Variants in NCAPG2 observed in about 807,000 individuals in gnomAD.
NCAPG2 encodes non-SMC condensin II complex subunit G2, also known as condensin-2 complex subunit G2.
NCAPG2 carries 53 observed loss-of-function variants against 141.1 expected under a neutral mutation model. That is an observed-to-expected ratio of 0.38 (90% confidence interval 0.30 to 0.47). NCAPG2 has a LOEUF of 0.47. NCAPG2 is among the 20% of genes least tolerant of loss of function. The pLI, the probability that NCAPG2 is intolerant of heterozygous loss-of-function variation, is 0.99. For synonymous variants in NCAPG2, 499 were observed against 490.7 expected (o/e 1.02, Z -0.22); for missense variants, 1,087 against 1,389.0 (o/e 0.78, Z 3.46).
rs1831305333 is a variant in NCAPG2 at position 158,649,334 on chromosome 7, G to A, written c.3075+1498C>T. The stretch of plus-strand genomic sequence containing the variant: ...ACTTTTTCTGTAAAGTAACAAAATA[G>A]TAAATATTTAAATAGTATAGTAAAT... On this transcript the variant is annotated intron_variant, in intron 24 of 27. Transcript: ENST00000356309. Among the ~76,000 whole-genome samples, 3 of 152,170 alleles carry A rather than the reference G, an allele frequency of 2.0e-5. 1 individual carries two copies. The South Asian group carries it at 6.2e-4, about 31-fold the overall frequency.
At position 158,701,905 on chromosome 7, in the gene NCAPG2, A is replaced by G. The variant is rs764794492; in HGVS notation, c.-6T>C. ...AACGTCTCACGTTTTTCCATGACAG[A>G]TGGCACTGTTCAAATGGCATTTATT... is the stretch of plus-strand genomic sequence containing the variant. On this transcript the variant is annotated 5_prime_UTR_variant, in exon 2 of 28. Transcript: ENST00000356309. 3.1e-6 allele frequency: 5 copies of G among 1,610,780 alleles called. No homozygotes were observed. In the South Asian group the frequency reaches 5.6e-5, roughly 18 times the overall value.
chr7:158,693,411 C>T lies in NCAPG2; in HGVS notation c.165G>A (p.Lys55=). ...CTAACAACACATCTGTCAATAAATT[C>T]TTCAGCCTTTGCCATAATTCTTCTT... ...KQKEELWQRL[K]NLLTDVLLES... Residue 55 remains lysine, a synonymous_variant, in exon 3 of 28, where the codon AAG becomes AAA. Transcript: ENST00000356309. 2 of 1,614,100 alleles carry T rather than the reference C, an allele frequency of 1.2e-6. No homozygotes were observed. Among genetic ancestry groups the T allele is most frequent in the Non-Finnish European group, 1.7e-6 (2 of 1,179,948 alleles).
chr7:158,676,774 G>GA (rs1417080250), intron 11 of NCAPG2, among the ~76,000 whole-genome samples: 1 of 151,684 alleles, frequency 6.6e-6, no homozygotes, highest in Admixed American at 6.6e-5. Flanking sequence ...ACTTTAATTA[G>GA]AAAAAAAGAT....
At chr7:158,671,473 C>T in intron 13 of NCAPG2, 41 bp downstream of exon 13, 1 of 1,608,804 alleles carries the variant, frequency 6.2e-7, no homozygotes, top group Non-Finnish European at 8.5e-7. Context: ...AACACATGTC[C>T]CTATTTCATG....
At chr7:158,696,785 G>C (rs577499908) in intron 2 of NCAPG2, 1 of 152,190 alleles carries the variant, frequency 6.6e-6, no homozygotes, top group Non-Finnish European at 1.5e-5. Context: ...TCAGGGGCTC[G>C]GCCTTTCCCA....
intron 6 of NCAPG2, among the ~76,000 whole-genome samples, chr7:158,689,399 G>A (rs528751069): frequency 2.8e-4 from 42 of 152,250 alleles, no homozygotes; most frequent in African/African-American, 9.4e-4. Context: ...GGGCAGTGCA[G>A]CAACAGGCCA....
Position 158,633,150 on chromosome 7 carries a change from A to G in NCAPG2, c.3381-1433T>C, listed in dbSNP as rs75918468. ...TTTAAGCTCTGGGGAATTTTTTCCT[A>G]TCGTTGTTGAATCACTGCTTCTCCT... is the stretch of plus-strand genomic sequence containing the variant. On this transcript the variant is annotated intron_variant, in intron 27 of 27. Coordinates refer to ENST00000356309, the MANE Select transcript of NCAPG2 (RefSeq NM_017760.7). The surrounding 1 kb of genome is among the most constrained non-coding windows in gnomAD (Gnocchi z 4.1). 6.6e-5 allele frequency among the ~76,000 whole-genome samples: 10 copies of G among 152,126 alleles called. No homozygotes were observed. The highest frequency in any genetic ancestry group is 1.2e-4 in the Non-Finnish European group (8 of 67,988).
chr7:158,637,102 CAT>C (rs1587043889), intron 27 of NCAPG2, among the ~76,000 whole-genome samples: 4 of 152,066 alleles, frequency 2.6e-5, no homozygotes, highest in Admixed American at 2.0e-4. Context: ...CGCCCGCCAC[CAT>C]GCCCGGCTAA....
intron 13 of NCAPG2, chr7:158,667,072 TATAC>T: frequency 2.0e-5 from 19 of 944,418 alleles, no homozygotes; most frequent in Non-Finnish European, 2.3e-5. Context: ...GACTGCCTCT[TATAC>T]TCATGTCATT....
rs1833775265 is a variant in NCAPG2 at position 158,672,318 on chromosome 7, ATATATATATATTTTTTTTTTTTTT to A, written c.1327-676_1327-653del. ...TATATATATATATATATATATATAT[ATATATATATATTTTTTTTTTTTTT>A]TTTTTTTTTTTTTTTTTTGAGACGG... On this transcript the variant is annotated intron_variant, in intron 12 of 27. Coordinates refer to ENST00000356309, the MANE Select transcript of NCAPG2 (RefSeq NM_017760.7). Among the ~76,000 whole-genome samples the A allele has an allele frequency of 6.6e-4, 23 of 34,860 alleles. No homozygotes were observed. In the East Asian group the frequency reaches 0.011, roughly 16 times the overall value. 22.9% of individuals were successfully genotyped at this position (34,860 alleles called of 152,430 possible).
chr7:158,655,408 G>A lies in NCAPG2; in HGVS notation c.2436C>T (p.Gly812=), dbSNP rs577811695. 1.2e-6 allele frequency: 2 copies of A among 1,614,150 alleles called. No individual in the cohort carries two copies. Among genetic ancestry groups the A allele is most frequent in the East Asian group, 2.2e-5 (1 of 44,878 alleles). The stretch of plus-strand genomic sequence containing the variant: ...CTCGCGGGGCAGCTGCTTCACTGAA[G>A]CCACGAGGCTTCCCACCCGGTGTCT... ...LLQTPGGKPR[G]FSEAAAPRAF... Residue 812 remains glycine (G), a synonymous_variant, in exon 20 of 28, where the codon GGC becomes GGT. Transcript: ENST00000356309.
chr7:158,640,226 G>T (rs938452595), intron 27 of NCAPG2: 2 of 152,208 alleles, frequency 1.3e-5, no homozygotes, highest in African/African-American at 4.8e-5. Context: ...CACGAGCCAA[G>T]AAGAGAGTAT....
intron 11 of NCAPG2, among the ~76,000 whole-genome samples, chr7:158,677,535 A>AC (rs1834160588): frequency 8.6e-6 from 1 of 116,064 alleles, no homozygotes; most frequent in African/African-American, 2.6e-5. Context: ...CAAAAAAAAA[A>AC]AAAAAAAAAA....
intron 2 of NCAPG2, among the ~76,000 whole-genome samples, chr7:158,695,580 G>A (rs1346263452): frequency 1.3e-5 from 2 of 152,242 alleles, no homozygotes; most frequent in Non-Finnish European, 2.9e-5. Flanking sequence ...ATGAGTGGCT[G>A]TTGCCTAGGG....
chr7:158,702,409 G>A (rs1483161757), intron 1 of NCAPG2: 1 of 154,700 alleles, frequency 6.5e-6, no homozygotes, highest in African/African-American at 2.4e-5. Context: ...ATGGAAAACA[G>A]TGGCCCCGGG....
chr7:158,633,939 A>G lies in NCAPG2; in HGVS notation c.3381-2222T>C, dbSNP rs562433461. Among the ~76,000 whole-genome samples, 8 of 152,080 alleles carry G rather than the reference A, an allele frequency of 5.3e-5. No individual in the cohort carries two copies. In the East Asian group the frequency reaches 1.5e-3, roughly 29 times the overall value. Reference sequence around the variant, plus strand: ...AGATTTTTTTGTATTTTTTGTAGAGATGGGGTTTCACCATGTTACCCAGTC... The same window carrying G: ...AGATTTTTTTGTATTTTTTGTAGAGGTGGGGTTTCACCATGTTACCCAGTC... On this transcript the variant is annotated intron_variant, in intron 27 of 27. Coordinates refer to ENST00000356309, the MANE Select transcript of NCAPG2 (RefSeq NM_017760.7). The surrounding 1 kb of genome is among the most constrained non-coding windows in gnomAD (Gnocchi z 4.1).
intron 26 of NCAPG2, 127 bp downstream of exon 26, chr7:158,645,388 AGTGG>A: frequency 1.4e-6 from 1 of 704,542 alleles, no homozygotes; most frequent in Non-Finnish European, 2.5e-6. Flanking sequence ...GAAGGCAGGG[AGTGG>A]AAAGGCTGGG....
intron 23 of NCAPG2, 35 bp from the exon 24 acceptor site, chr7:158,651,007 A>T (rs1161734853): frequency 1.3e-6 from 2 of 1,537,056 alleles, no homozygotes; most frequent in Non-Finnish European, 1.7e-6. Context: ...TTTAATGACT[A>T]AAAACCATGG....
chr7:158,640,489 C>T (rs1247139321), intron 27 of NCAPG2: 2 of 152,178 alleles, frequency 1.3e-5, no homozygotes, highest in African/African-American at 2.4e-5. Context: ...ACTGAGATCA[C>T]ACCACTGCGT....
Sources: gnomAD v4.1 joint callset for allele counts (sites outside exome capture counted in the v4.1 genomes callset) on GRCh38, gnomAD v4.1.1 for gene constraint, Gnocchi (gnomAD v3.1) non-coding constraint, MANE v1.5 for transcripts, NCBI Gene and HGNC (gene_info 2026-07-23, HGNC 2026-07-21) for gene names.